Variants in TOM1L1 observed in about 807,000 individuals in gnomAD.
The protein encoded by TOM1L1 is TOM1-like protein 1.
TOM1L1 carries 64 observed loss-of-function variants against 63.4 expected under a neutral mutation model. The ratio of observed to expected loss-of-function variants is 1.01; its 90% confidence interval spans 0.83 to 1.24. The LOEUF (loss-of-function observed/expected upper bound fraction) is 1.24, where lower values mean the gene tolerates loss of function less well. Ranked by LOEUF, TOM1L1 falls within the 50% of genes most tolerant of loss-of-function variation. TOM1L1 has a pLI of 0.00. For missense variants in TOM1L1, 536 were observed against 567.0 expected, an observed-to-expected ratio of 0.95 and a Z score of 0.55; for synonymous variants, 166 against 194.4, an observed-to-expected ratio of 0.85 and a Z score of 1.22.
intron 1 of TOM1L1, 125 bp downstream of exon 1, chr17:54,901,048 C>T (rs1016581031): frequency 2.2e-6 from 3 of 1,340,924 alleles, no homozygotes; most frequent in South Asian, 1.3e-5. Flanking sequence ...CCCCTCCCCC[C>T]GCAACTTTCC....
intron 10 of TOM1L1, chr17:54,938,149 G>T (rs2048979426): frequency 6.6e-6 from 1 of 152,208 alleles, no homozygotes; most frequent in Non-Finnish European, 1.5e-5. Context: ...TTTTAATTGA[G>T]AATTTTCAGA....
At chr17:54,932,992 C>G (rs760994174) in intron 8 of TOM1L1, among the ~76,000 whole-genome samples, 6 of 152,110 alleles carry the variant, frequency 3.9e-5, no homozygotes, top group Non-Finnish European at 8.8e-5. Context: ...GGCTTTGAAC[C>G]CTGTGTACCA....
At chr17:54,913,470 C>T (rs1005604404) in intron 4 of TOM1L1, among the ~76,000 whole-genome samples, 4 of 151,958 alleles carry the variant, frequency 2.6e-5, no homozygotes, top group African/African-American at 9.7e-5. Context: ...TCGAGAGCAG[C>T]CTGGCCAACA....
rs545150040 is a variant in TOM1L1, at chr17:54,932,416, C to T, written c.854+2210C>T. Among the ~76,000 whole-genome samples, 23 of 152,186 alleles carry T rather than the reference C, an allele frequency of 1.5e-4. 1 individual carries two copies. In the South Asian group the frequency reaches 4.8e-3, roughly 32 times the overall value. On this transcript the variant is annotated intron_variant, in intron 8 of 15. Coordinates refer to ENST00000575882, the MANE Select transcript of TOM1L1 (RefSeq NM_005486.3). ...AGGGGTCGATCTTTAACTACCAGGC[C>T]TAGGGTGTGGCGCCGGGCTGTCTGC...
intron 3 of TOM1L1, among the ~76,000 whole-genome samples, chr17:54,907,714 T>C (rs1051372705): frequency 2.0e-5 from 3 of 152,022 alleles, no homozygotes; most frequent in Non-Finnish European, 2.9e-5. Context: ...TCAAATATAG[T>C]ATATCTGGGA....
At chr17:54,921,688 G>A (rs1229726018) in intron 7 of TOM1L1, among the ~76,000 whole-genome samples, 2 of 152,068 alleles carry the variant, frequency 1.3e-5, no homozygotes, top group African/African-American at 4.8e-5. Context: ...CAGAGATTGT[G>A]CCACTGCACT....
At chr17:54,944,007 AATAAAAGG>A (rs1456708529) in intron 11 of TOM1L1, among the ~76,000 whole-genome samples, 3 of 136,180 alleles carry the variant, frequency 2.2e-5, no homozygotes, top group African/African-American at 5.7e-5. Context: ...TACATAAATA[AATAAAAGG>A]AAGTAAAAAC....
chr17:54,905,746 AGTTGTTTAT>A (rs2143732073), intron 3 of TOM1L1, among the ~76,000 whole-genome samples, 179 bp downstream of exon 3: 1 of 152,334 alleles, frequency 6.6e-6, no homozygotes, highest in South Asian at 2.1e-4. Flanking sequence ...AAGAAAGTTT[AGTTGTTTAT>A]AATAGCATTT....
rs1328126506 is a variant in TOM1L1, at chr17:54,912,675, A to G, written c.232A>G (p.Met78Val). Residue 78 changes from methionine (M) to valine (V), a missense_variant, in exon 4 of 16, where the codon ATG becomes GTG. Physicochemically the swap from Met to Val is conservative, Grantham distance 21 (BLOSUM62 1). Transcript: ENST00000575882. ...TTTTTTTCTAATTTAGCTTATTGACATGTGTGTGCAGAACTGTGGTCCAAG... is the reference window on the plus strand; with the variant it reads ...TTTTTTTCTAATTTAGCTTATTGACGTGTGTGTGCAGAACTGTGGTCCAAG... ...EIQLTLSLIDMCVQNCGPSFQ... is the reference protein window; with the variant it reads ...EIQLTLSLIDVCVQNCGPSFQ... 2 of 1,552,046 alleles carry G rather than the reference A, an allele frequency of 1.3e-6. No individual in the cohort carries two copies. The highest frequency in any genetic ancestry group is 2.8e-5 in the African/African-American group (2 of 71,272).
chr17:54,949,196 C>T (rs1444530307), intron 12 of TOM1L1, among the ~76,000 whole-genome samples: 2 of 115,456 alleles, frequency 1.7e-5, no homozygotes, highest in African/African-American at 7.3e-5. Flanking sequence ...AGCCACCATG[C>T]CCAGCTATTT....
intron 7 of TOM1L1, chr17:54,917,369 T>C (rs2048608037): frequency 6.6e-6 from 1 of 152,184 alleles, no homozygotes; most frequent in Non-Finnish European, 1.5e-5. Flanking sequence ...ATTTCTCTGT[T>C]TAATGTATTT....
chr17:54,912,714 A>G lies in TOM1L1; in HGVS notation c.271A>G (p.Ile91Val). The part of the protein sequence containing the change: ...QNCGPSFQSL[I>V]VKKEFVKENL... The stretch of plus-strand genomic sequence containing the variant: ...CTGTGGTCCAAGTTTCCAGTCTCTG[A>G]TTGTGAAGAAGGAATTTGTTAAAGA... The change falls in exon 4 of 16, where the codon ATT becomes GTT. Residue 91 changes from isoleucine (I) to valine (V), a missense_variant. Coordinates refer to ENST00000575882, the MANE Select transcript of TOM1L1 (RefSeq NM_005486.3). 6.2e-7 allele frequency: 1 copy of G among 1,610,298 alleles called. No individual in the cohort carries two copies. Among genetic ancestry groups the G allele is most frequent in the Non-Finnish European group, 8.5e-7 (1 of 1,178,858 alleles).
At chr17:54,960,225 C>G (rs1395660862) in intron 14 of TOM1L1, among the ~76,000 whole-genome samples, 1 of 151,890 alleles carries the variant, frequency 6.6e-6, no homozygotes, top group Admixed American at 6.6e-5. Context: ...ATTAGCTGGG[C>G]ATGGTTGTGT....
At chr17:54,950,011 C>T (rs560437006) in intron 13 of TOM1L1, 34 bp from the exon 14 acceptor site, 1 of 1,555,970 alleles carries the variant, frequency 6.4e-7, no homozygotes, top group Admixed American at 1.7e-5. Flanking sequence ...TCAAAAAGCA[C>T]AATATGTTTA....
intron 4 of TOM1L1, 107 bp from the exon 5 acceptor site, chr17:54,913,641 G>A (rs1039224352): frequency 2.0e-5 from 25 of 1,239,292 alleles, no homozygotes; most frequent in Middle Eastern, 5.6e-4. Context: ...ACTCCAGCCC[G>A]GGCAATAGTG....
At chr17:54,910,006 A>G (rs901466952) in intron 3 of TOM1L1, among the ~76,000 whole-genome samples, 1 of 152,170 alleles carries the variant, frequency 6.6e-6, no homozygotes, top group Non-Finnish European at 1.5e-5. Context: ...ATTAGTCCTG[A>G]CATTCTTGAT....
chr17:54,910,277 G>A lies in TOM1L1; in HGVS notation c.223-2389G>A, dbSNP rs144790773. Among the ~76,000 whole-genome samples the A allele has an allele frequency of 3.4e-3, 512 of 152,208 alleles. 3 individuals are homozygous for A. The highest frequency in any genetic ancestry group is 0.012 in the African/African-American group (482 of 41,530). ...TTGAGACCAGCCTGGCCAGTATGGC[G>A]AAAACCCATGTCTACTAAAAATACA... On this transcript the variant is annotated intron_variant, in intron 3 of 15. Coordinates refer to ENST00000575882, the MANE Select transcript of TOM1L1 (RefSeq NM_005486.3).
At chr17:54,906,115 A>G (rs2048404409) in intron 3 of TOM1L1, among the ~76,000 whole-genome samples, 1 of 151,988 alleles carries the variant, frequency 6.6e-6, no homozygotes, top group African/African-American at 2.4e-5. Context: ...GATGGCAACG[A>G]GCTATGATCA....
chr17:54,928,717 T>G (rs2048808634), intron 7 of TOM1L1, among the ~76,000 whole-genome samples: 1 of 152,220 alleles, frequency 6.6e-6, no homozygotes, highest in Non-Finnish European at 1.5e-5. Context: ...ACTATACTGT[T>G]GCTGAAGATG....
Sources: gnomAD v4.1 joint callset for allele counts (sites outside exome capture counted in the v4.1 genomes callset) on GRCh38, gnomAD v4.1.1 for gene constraint, MANE v1.5 for transcripts, NCBI Gene and HGNC (gene_info 2026-07-23, HGNC 2026-07-21) for gene names.